The following CFHR3 variants were observed in gnomAD, a reference collection of about 807,000 sequenced individuals.
CFHR3 encodes complement factor H-related protein 3.
CFHR3 carries 22 observed loss-of-function variants against 36.0 expected under a neutral mutation model. That is an observed-to-expected ratio of 0.61 (90% CI 0.44 to 0.87). The LOEUF is 0.87. CFHR3 is among the 40% of genes least tolerant of loss of function. CFHR3 has a pLI of 0.00. For synonymous variants in CFHR3, 97 were observed against 137.4 expected, an observed-to-expected ratio of 0.71 and a Z score of 2.06; for missense variants, 276 against 401.3, an observed-to-expected ratio of 0.69 and a Z score of 2.67.
intron 3 of CFHR3, among the ~76,000 whole-genome samples, chr1:196,780,400 CT>C (rs1169829176): frequency 1.5e-5 from 2 of 137,286 alleles, no homozygotes; most frequent in Admixed American, 7.0e-5. Flanking sequence ...ACAGTTCCTT[CT>C]TTTTTCACAT....
intron 3 of CFHR3, among the ~76,000 whole-genome samples, chr1:196,785,522 T>C (rs1395379700): frequency 7.4e-6 from 1 of 135,964 alleles, no homozygotes; most frequent in Non-Finnish European, 1.6e-5. Flanking sequence ...CTTTTTTCTC[T>C]AAACTTCCCT....
intron 5 of CFHR3, among the ~76,000 whole-genome samples, chr1:196,791,736 C>A (rs1298808132): frequency 6.8e-5 from 9 of 132,656 alleles, no homozygotes; most frequent in African/African-American, 3.0e-4. Flanking sequence ...TTAGTATCCT[C>A]AAATCAAAAT....
At chr1:196,777,073 G>A (rs1653750818) in intron 1 of CFHR3, among the ~76,000 whole-genome samples, 1 of 135,202 alleles carries the variant, frequency 7.4e-6, no homozygotes, top group Non-Finnish European at 1.6e-5. Flanking sequence ...TTTTTTAATG[G>A]TGGTTGATGT....
rs1283198358 is a variant in CFHR3, at chr1:196,786,455, A to C, written c.431-1761A>C. On this transcript the variant is annotated intron_variant, in intron 3 of 5. Coordinates refer to ENST00000367425, the MANE Select transcript of CFHR3 (RefSeq NM_021023.6). ...GCCTCCTTGAGCTGTGGTGGGCTCCACCCAGTTCGAGCTTCCTGGCTGCTT... is the reference window on the plus strand; with the variant it reads ...GCCTCCTTGAGCTGTGGTGGGCTCCCCCCAGTTCGAGCTTCCTGGCTGCTT... Among the ~76,000 whole-genome samples, 2 of 135,546 alleles carry C rather than the reference A, an allele frequency of 1.5e-5. 1 individual carries two copies. Among genetic ancestry groups the C allele is most frequent in the Non-Finnish European group, 3.1e-5 (2 of 64,112 alleles). The allele number at this position is 135,546 out of a possible 152,430, so 88.9% of individuals were successfully genotyped here. A position where few individuals can be genotyped will look rare whatever the true frequency, so the allele number is the denominator to read the frequency against.
In CFHR3 at chr1:196,788,688, T is replaced by C. The variant is rs1463947764; in HGVS notation, c.613+290T>C. The C allele has an allele frequency of 2.7e-6, 4 of 1,454,592 alleles. 2 individuals are homozygous for C. Among genetic ancestry groups the C allele is most frequent in the South Asian group, 2.7e-5 (2 of 74,226 alleles). The allele number at this position is 1,454,592 out of a possible 1,614,324, so 90.1% of individuals were successfully genotyped here. ...TGCATGAGAGTATCAGCAAAATATGTTAGTTGCCAATAAAAACTTTGTTGT... is the reference window on the plus strand; with the variant it reads ...TGCATGAGAGTATCAGCAAAATATGCTAGTTGCCAATAAAAACTTTGTTGT... On this transcript the variant is annotated intron_variant, in intron 4 of 5. Transcript: ENST00000367425.
At position 196,789,618 on chromosome 1, in the gene CFHR3, A is replaced by C. The variant is rs1654343380; in HGVS notation, c.614-427A>C. On this transcript the variant is annotated intron_variant, in intron 4 of 5. Coordinates refer to ENST00000367425, the MANE Select transcript of CFHR3 (RefSeq NM_021023.6). ...CATAAATGGTTACATTAACTTTTAAATTCACAAATTTAAAAGCGGTTTAAG... is the reference window on the plus strand; with the variant it reads ...CATAAATGGTTACATTAACTTTTAACTTCACAAATTTAAAAGCGGTTTAAG... 2.2e-6 allele frequency: 3 copies of C among 1,382,060 alleles called. 1 individual carries two copies. The South Asian group carries it at 4.9e-5, about 23-fold the overall frequency. 85.6% of individuals were successfully genotyped at this position (1,382,060 alleles called of 1,614,324 possible). A position where few individuals can be genotyped will look rare whatever the true frequency, so the allele number is the denominator to read the frequency against.
chr1:196,782,646 T>A (rs1306080424), intron 3 of CFHR3, among the ~76,000 whole-genome samples: 2 of 137,236 alleles, frequency 1.5e-5, no homozygotes, highest in Non-Finnish European at 3.1e-5. Flanking sequence ...TTTTTGTACA[T>A]TGATTTTGTA....
At chr1:196,788,660 A>G (rs1330922232) in intron 4 of CFHR3, 1 of 1,440,224 alleles carries the variant, frequency 6.9e-7, no homozygotes, top group African/African-American at 1.7e-5. Flanking sequence ...CTAGTTAGGG[A>G]GCTGCATGAG....
intron 1 of CFHR3, 27 bp from the exon 2 acceptor site, chr1:196,779,135 A>T: frequency 7.0e-7 from 1 of 1,432,292 alleles, no homozygotes; most frequent in Non-Finnish European, 9.5e-7. Context: ...AATTATTTAT[A>T]CTTTTTTGTT....
intron 3 of CFHR3, among the ~76,000 whole-genome samples, chr1:196,780,452 G>A (rs553187892): frequency 7.3e-6 from 1 of 137,390 alleles, no homozygotes; most frequent in Admixed American, 7.0e-5. Context: ...ATATTTACAA[G>A]TTGAGTGGCT....
chr1:196,774,947 A>G lies in CFHR3; in HGVS notation c.58+3A>G, dbSNP rs765681501. On this transcript the variant is annotated splice_donor_region_variant and intron_variant, in intron 1 of 5. Coordinates refer to ENST00000367425, the MANE Select transcript of CFHR3 (RefSeq NM_021023.6). ...GGTTTCCTGTGCTAATGGACAAGGT[A>G]AGTTAAAAGAGATCTAAACACTCAG... 2.0e-6 allele frequency: 3 copies of G among 1,524,026 alleles called. 1 individual carries two copies. In the South Asian group the frequency reaches 3.7e-5, roughly 19 times the overall value. 94.4% of individuals were successfully genotyped at this position (1,524,026 alleles called of 1,614,324 possible).
intron 3 of CFHR3, among the ~76,000 whole-genome samples, chr1:196,781,764 C>G (rs1363606256): frequency 7.4e-6 from 1 of 134,550 alleles, no homozygotes; most frequent in Non-Finnish European, 1.6e-5. Flanking sequence ...CCTGTTCACT[C>G]TGATGGTAGT....
At chr1:196,779,028 G>A (rs770823038) in intron 1 of CFHR3, 134 bp from the exon 2 acceptor site, 1 of 701,152 alleles carries the variant, frequency 1.4e-6, no homozygotes, top group South Asian at 2.0e-5. Flanking sequence ...GAGAGGTCAG[G>A]ATCAGGAAAC....
In CFHR3 at chr1:196,789,669, G is replaced by A. The variant is rs572045349; in HGVS notation, c.614-376G>A. ...CTCCGTGACACATTGGACTACGAAT[G>A]CTACGATGGATATGAAATCAGTTAT... On this transcript the variant is annotated intron_variant, in intron 4 of 5. Transcript: ENST00000367425. 3 of 1,459,318 alleles carry A rather than the reference G, an allele frequency of 2.1e-6. 1 individual carries two copies. The highest frequency in any genetic ancestry group is 2.8e-6 in the Non-Finnish European group (3 of 1,089,678). 90.4% of individuals were successfully genotyped at this position (1,459,318 alleles called of 1,614,324 possible). A position where few individuals can be genotyped will look rare whatever the true frequency, so the allele number is the denominator to read the frequency against.
chr1:196,785,495 G>T (rs1241340925), intron 3 of CFHR3, among the ~76,000 whole-genome samples: 1 of 135,088 alleles, frequency 7.4e-6, no homozygotes, highest in Non-Finnish European at 1.6e-5. Flanking sequence ...TGGAGGTTTT[G>T]TTCATTTCTT....
At position 196,787,894 on chromosome 1, in the gene CFHR3, A is replaced by G. The variant is rs1654271280; in HGVS notation, c.431-322A>G. ...TACCAAAAATACTCAGGTTGTTGCA[A>G]AGTAGCCAGAAAGTCTTCCAAAATT... On this transcript the variant is annotated intron_variant, in intron 3 of 5. Transcript: ENST00000367425. Among the ~76,000 whole-genome samples the G allele has an allele frequency of 1.5e-5, 2 of 136,938 alleles. 1 individual carries two copies. The highest frequency in any genetic ancestry group is 5.1e-4 in the South Asian group (2 of 3,938). 89.8% of individuals were successfully genotyped at this position (136,938 alleles called of 152,430 possible).
intron 3 of CFHR3, among the ~76,000 whole-genome samples, 185 bp from the exon 4 acceptor site, chr1:196,788,031 T>A (rs1409783719): frequency 7.3e-6 from 1 of 137,172 alleles, no homozygotes; most frequent in African/African-American, 3.0e-5. Flanking sequence ...GTGTTCAACA[T>A]TTCCTTCAGA....
At position 196,778,440 on chromosome 1, in the gene CFHR3, T is replaced by A. The variant is rs1653817212; in HGVS notation, c.59-722T>A. On this transcript the variant is annotated intron_variant, in intron 1 of 5. Coordinates refer to ENST00000367425, the MANE Select transcript of CFHR3 (RefSeq NM_021023.6). ...GTAAATATTATTTTCTATCACTTGT[T>A]CCAGAATTATAGAAGAAACATAAAT... Among the ~76,000 whole-genome samples, 3 of 137,218 alleles carry A rather than the reference T, an allele frequency of 2.2e-5. 1 individual carries two copies. In the South Asian group the frequency reaches 7.6e-4, roughly 35 times the overall value. 90.0% of individuals were successfully genotyped at this position (137,218 alleles called of 152,430 possible).
At position 196,775,268 on chromosome 1, in the gene CFHR3, A is replaced by T. The variant is rs1371624778; in HGVS notation, c.58+324A>T. On this transcript the variant is annotated intron_variant, in intron 1 of 5. Transcript: ENST00000367425. Reference sequence around the variant, plus strand: ...ATGTCATTAGACAGATTCTAAGCTTAAAATGTTCAGAATTTTCCTATACGT... The same window carrying T: ...ATGTCATTAGACAGATTCTAAGCTTTAAATGTTCAGAATTTTCCTATACGT... 1.5e-5 allele frequency among the ~76,000 whole-genome samples: 2 copies of T among 137,338 alleles called. 1 individual carries two copies. The highest frequency in any genetic ancestry group is 6.0e-5 in the African/African-American group (2 of 33,204). The allele number at this position is 137,338 out of a possible 152,430, so 90.1% of individuals were successfully genotyped here. A position where few individuals can be genotyped will look rare whatever the true frequency, so the allele number is the denominator to read the frequency against.
Sources: gnomAD v4.1 joint callset for allele counts (sites outside exome capture counted in the v4.1 genomes callset) on GRCh38, gnomAD v4.1.1 for gene constraint, MANE v1.5 for transcripts, NCBI Gene and HGNC (gene_info 2026-07-23, HGNC 2026-07-21) for gene names.